Variants in KLF12 observed in about 807,000 individuals in gnomAD.
The protein encoded by KLF12 is Krueppel-like factor 12.
In KLF12, 9 loss-of-function variants were observed where a neutral mutation model predicts 37.8. That is an observed-to-expected ratio of 0.24 (90% CI 0.14 to 0.42). The LOEUF is 0.42. KLF12 is among the 10% of genes least tolerant of loss of function. The pLI is 1.00. For synonymous variants in KLF12, 208 were observed against 202.1 expected (o/e 1.03, Z -0.25); for missense variants, 411 against 516.0 (o/e 0.80, Z 1.97).
chr13:73,713,553 A>G (rs1875570880), intron 7 of KLF12, among the ~76,000 whole-genome samples: 1 of 152,258 alleles, frequency 6.6e-6, no homozygotes, highest in Non-Finnish European at 1.5e-5. Context: ...CTAGACTGTA[A>G]CATATAAAGT....
intron 1 of KLF12, among the ~76,000 whole-genome samples, chr13:74,069,569 T>G (rs969744384): frequency 6.6e-6 from 1 of 152,188 alleles, no homozygotes; most frequent in Non-Finnish European, 1.5e-5. Context: ...GAGGACAATG[T>G]TATTTGAGTT....
chr13:74,299,968 T>C, the KLF12 span, among the ~76,000 whole-genome samples: 5 of 151,904 alleles, frequency 3.3e-5, no homozygotes, highest in African/African-American at 1.2e-4. Flanking sequence ...TGCTGAAAAG[T>C]TTTCACTTCT....
chr13:73,756,858 T>C (rs1026628948), intron 6 of KLF12, among the ~76,000 whole-genome samples: 2 of 152,170 alleles, frequency 1.3e-5, no homozygotes, highest in Non-Finnish European at 2.9e-5. Flanking sequence ...CTGTACCTGC[T>C]GATTAAATCT....
At chr13:73,883,843 A>C (rs1289540096) in intron 3 of KLF12, among the ~76,000 whole-genome samples, 1 of 152,190 alleles carries the variant, frequency 6.6e-6, no homozygotes, top group Non-Finnish European at 1.5e-5. Flanking sequence ...ATTTAGGGTG[A>C]TATGACATTG....
chr13:74,027,843 TAA>T (rs1484678528), intron 1 of KLF12, among the ~76,000 whole-genome samples: 4 of 152,194 alleles, frequency 2.6e-5, no homozygotes, highest in Non-Finnish European at 4.4e-5. Context: ...CAAGATGCAT[TAA>T]AGAGTCTTTT....
chr13:73,981,106 G>T (rs560286136), intron 2 of KLF12, among the ~76,000 whole-genome samples: 3 of 152,154 alleles, frequency 2.0e-5, no homozygotes, highest in Non-Finnish European at 4.4e-5. Context: ...GCTACAGTGA[G>T]CTGTGTTTGT....
rs57723351 is a variant in KLF12, at chr13:73,827,071, G to A, written c.671-13784C>T. Among the ~76,000 whole-genome samples the A allele has an allele frequency of 5.4e-3, 828 of 152,220 alleles. 7 individuals carry two copies. The highest frequency in any genetic ancestry group is 0.018 in the African/African-American group (747 of 41,508). ...ACAAGGATTACAGGCATGAGCCTCC[G>A]CAACTGGCCAACAATATGATATTTC... On this transcript the variant is annotated intron_variant, in intron 4 of 7. Transcript: ENST00000377669.
chr13:74,282,404 G>A, the KLF12 span, among the ~76,000 whole-genome samples: 1 of 152,114 alleles, frequency 6.6e-6, no homozygotes, highest in Non-Finnish European at 1.5e-5. Context: ...TTGGTGATTG[G>A]ATCTGTGTAT....
intron 3 of KLF12, among the ~76,000 whole-genome samples, chr13:73,850,526 C>T (rs906483072): frequency 2.0e-5 from 3 of 152,142 alleles, no homozygotes; most frequent in African/African-American, 4.8e-5. Context: ...ATTTTAATCA[C>T]CTGGAATTTA....
At chr13:74,268,837 T>C in the KLF12 span, among the ~76,000 whole-genome samples, 1 of 152,204 alleles carries the variant, frequency 6.6e-6, no homozygotes, top group Non-Finnish European at 1.5e-5. Context: ...TCTTTTGAGT[T>C]GGAAGCTGAG....
chr13:74,070,032 A>G (rs1874138235), intron 1 of KLF12, among the ~76,000 whole-genome samples: 1 of 152,210 alleles, frequency 6.6e-6, no homozygotes, highest in African/African-American at 2.4e-5. Flanking sequence ...TTAAGGACTC[A>G]TTACTCTATG....
the KLF12 span, among the ~76,000 whole-genome samples, chr13:74,241,384 C>T: frequency 6.6e-6 from 1 of 152,130 alleles, no homozygotes; most frequent in Non-Finnish European, 1.5e-5. Flanking sequence ...GCAGAGGTTA[C>T]TGCTGTCTTT....
intron 1 of KLF12, among the ~76,000 whole-genome samples, chr13:74,050,046 A>T (rs1169807560): frequency 1.3e-5 from 2 of 152,128 alleles, no homozygotes; most frequent in African/African-American, 4.8e-5. Context: ...GATAGGGCCC[A>T]CTGAGTATCC....
At chr13:73,949,637 C>T (rs1166804420) in intron 2 of KLF12, among the ~76,000 whole-genome samples, 1 of 152,206 alleles carries the variant, frequency 6.6e-6, no homozygotes, top group African/African-American at 2.4e-5. Context: ...TCACCTTCTA[C>T]ATTTTATACT....
chr13:74,179,045 C>T, the KLF12 span, among the ~76,000 whole-genome samples: 3 of 152,198 alleles, frequency 2.0e-5, no homozygotes, highest in Admixed American at 2.0e-4. Flanking sequence ...TCTACTATGT[C>T]CATGTGCTGT....
chr13:74,302,219 C>G, the KLF12 span, among the ~76,000 whole-genome samples: 1 of 152,060 alleles, frequency 6.6e-6, no homozygotes, highest in East Asian at 1.9e-4. Context: ...CAAAGCAAAC[C>G]CCATTTCTAT....
At chr13:74,022,015 G>C (rs1233692240) in intron 1 of KLF12, among the ~76,000 whole-genome samples, 1 of 152,256 alleles carries the variant, frequency 6.6e-6, no homozygotes, top group East Asian at 1.9e-4. Context: ...AATGAGTGCA[G>C]GATGAAGGCG....
intron 2 of KLF12, among the ~76,000 whole-genome samples, chr13:73,979,405 T>G (rs1891633104): frequency 1.6e-5 from 2 of 125,380 alleles, no homozygotes; most frequent in South Asian, 5.1e-4. Flanking sequence ...ACACAAATCA[T>G]GGAATACAGC....
At chr13:74,269,509 T>G in the KLF12 span, among the ~76,000 whole-genome samples, 4 of 152,168 alleles carry the variant, frequency 2.6e-5, no homozygotes, top group African/African-American at 9.7e-5. Flanking sequence ...TATTTAGATT[T>G]GTATATAATG....
Sources: gnomAD v4.1 joint callset for allele counts (sites outside exome capture counted in the v4.1 genomes callset) on GRCh38, gnomAD v4.1.1 for gene constraint, MANE v1.5 for transcripts, NCBI Gene and HGNC (gene_info 2026-07-23, HGNC 2026-07-21) for gene names.